The following IL16 variants were observed in gnomAD, a reference collection of about 807,000 sequenced individuals.
IL16 encodes the protein pro-interleukin-16.
IL16 carries 67 observed loss-of-function variants against 110.1 expected under a neutral mutation model. The observed-to-expected ratio is 0.61, with a 90% CI of 0.50 to 0.75. The LOEUF (loss-of-function observed/expected upper bound fraction) is 0.75, where lower values mean the gene tolerates loss of function less well. Ranked by LOEUF, IL16 falls within the 30% of genes least tolerant of loss-of-function variation. IL16 has a pLI of 0.00. For synonymous variants in IL16, 689 were observed against 662.9 expected (o/e 1.04, Z -0.61); for missense variants, 1,545 against 1,655.0 (o/e 0.93, Z 1.15).
chr15:81,279,569 G>A lies in IL16; in HGVS notation c.876G>A (p.Lys292=). The A allele has an allele frequency of 6.2e-7, 1 of 1,611,926 alleles. No individual in the cohort carries two copies. Among genetic ancestry groups the A allele is most frequent in the Non-Finnish European group, 8.5e-7 (1 of 1,179,510 alleles). The stretch of plus-strand genomic sequence containing the variant: ...TCTCTTTCTTTCAGCAAGCCAAAAA[G>A]GGGCTCCTCACCCTCACCGTGAGAA... ...DALQKFKQAK[K]GLLTLTVRTR... Residue 292 remains lysine, a synonymous_variant, in exon 8 of 19, where the codon AAG becomes AAA. Transcript: ENST00000683961.
intron 1 of IL16, among the ~76,000 whole-genome samples, chr15:81,213,072 G>A (rs1031717907): frequency 6.6e-6 from 1 of 151,956 alleles, no homozygotes; most frequent in Non-Finnish European, 1.5e-5. Flanking sequence ...CAGAGATTTT[G>A]GTAAGTTGTA....
At chr15:81,211,382 G>C (rs1426579543) in intron 1 of IL16, among the ~76,000 whole-genome samples, 1 of 151,926 alleles carries the variant, frequency 6.6e-6, no homozygotes, top group African/African-American at 2.4e-5. Context: ...CTCCCAAGTA[G>C]CTGGGATTAC....
chr15:81,210,562 G>T (rs1896200980), intron 1 of IL16, among the ~76,000 whole-genome samples: 1 of 152,036 alleles, frequency 6.6e-6, no homozygotes, highest in Non-Finnish European at 1.5e-5. Context: ...AGTTCTCCTT[G>T]TAGAGATCTT....
intron 13 of IL16, among the ~76,000 whole-genome samples, chr15:81,297,877 A>G (rs1900068792): frequency 6.6e-6 from 1 of 152,226 alleles, no homozygotes; most frequent in African/African-American, 2.4e-5. Flanking sequence ...TATAGACTAT[A>G]AAACATATGA....
intron 11 of IL16, chr15:81,291,915 A>T: frequency 2.2e-6 from 1 of 455,958 alleles, no homozygotes; most frequent in South Asian, 1.5e-5. Context: ...TATCATCCTC[A>T]TTTTACAGAT....
intron 1 of IL16, among the ~76,000 whole-genome samples, chr15:81,202,422 A>G (rs1226455333): frequency 6.6e-6 from 1 of 152,190 alleles, no homozygotes; most frequent in East Asian, 1.9e-4. Context: ...ATTTAGCATC[A>G]TCAAGGACTA....
chr15:81,300,131 C>T lies in IL16; in HGVS notation c.2805C>T (p.Pro935=), dbSNP rs367772665. 36 of 1,606,264 alleles carry T rather than the reference C, an allele frequency of 2.2e-5. No homozygotes were observed. In the African/African-American group the frequency reaches 3.9e-4, roughly 17 times the overall value. The change falls in exon 14 of 19, where the codon CCC becomes CCT. Residue 935 remains proline (P), a synonymous_variant. Coordinates refer to ENST00000683961, the MANE Select transcript of IL16 (RefSeq NM_172217.5). ...GGCAGCCCAATCAGAAAACTCTCCCCCCTGGCCCGGACCCGCTCCTAAGGC... is the reference window on the plus strand; with the variant it reads ...GGCAGCCCAATCAGAAAACTCTCCCTCCTGGCCCGGACCCGCTCCTAAGGC... ...PGRQPNQKTL[P]PGPDPLLRLL...
chr15:81,215,952 C>T (rs1041934018), intron 1 of IL16, among the ~76,000 whole-genome samples: 4 of 152,220 alleles, frequency 2.6e-5, no homozygotes, highest in South Asian at 2.1e-4. Context: ...TGGAGCAATG[C>T]GCTCAGGCTG....
intron 8 of IL16, 35 bp from the exon 9 acceptor site, chr15:81,282,604 C>T: frequency 6.5e-7 from 1 of 1,532,204 alleles, no homozygotes; most frequent in Non-Finnish European, 9.0e-7. Context: ...AAAGCTCAGT[C>T]CCGGTCTCCC....
intron 12 of IL16, among the ~76,000 whole-genome samples, chr15:81,296,726 G>C (rs563481220): frequency 6.6e-6 from 1 of 152,326 alleles, no homozygotes; most frequent in African/African-American, 2.4e-5. Context: ...TGGAAGTCAA[G>C]GGATGCTCTG....
chr15:81,241,498 A>G (rs1006311371), intron 2 of IL16, among the ~76,000 whole-genome samples: 2 of 152,102 alleles, frequency 1.3e-5, no homozygotes, highest in African/African-American at 4.8e-5. Context: ...GGGCTTACAT[A>G]TCTTTCATTA....
At chr15:81,251,075 C>T (rs1165923611) in intron 2 of IL16, among the ~76,000 whole-genome samples, 1 of 152,150 alleles carries the variant, frequency 6.6e-6, no homozygotes, top group African/African-American at 2.4e-5. Flanking sequence ...AACTATGGTA[C>T]AGCTTTTATT....
intron 2 of IL16, among the ~76,000 whole-genome samples, chr15:81,229,322 G>T (rs1462109124): frequency 6.6e-6 from 1 of 152,082 alleles, no homozygotes; most frequent in Non-Finnish European, 1.5e-5. Flanking sequence ...TTGAAAGCAG[G>T]ATATTCCAGG....
intron 4 of IL16, among the ~76,000 whole-genome samples, chr15:81,268,222 A>T (rs1309925886): frequency 6.6e-6 from 1 of 152,238 alleles, no homozygotes; most frequent in Non-Finnish European, 1.5e-5. Context: ...CAAGCCAACA[A>T]GAGAGAGGGT....
chr15:81,313,365 G>T lies in IL16; in HGVS notation c.*4567G>T. ...CTGTGGGAGGTAACCGCTGAGGTCGGTATGGAAGAATGTGACCAGGTTGGT... is the reference window on the plus strand; with the variant it reads ...CTGTGGGAGGTAACCGCTGAGGTCGTTATGGAAGAATGTGACCAGGTTGGT... On this transcript the variant is annotated 3_prime_UTR_variant, in exon 19 of 19. Transcript: ENST00000683961. The T allele has an allele frequency of 6.3e-7, 1 of 1,578,984 alleles. No individual in the cohort carries two copies. The highest frequency in any genetic ancestry group is 8.6e-7 in the Non-Finnish European group (1 of 1,162,416).
chr15:81,246,348 A>G (rs982619000), intron 2 of IL16, among the ~76,000 whole-genome samples: 1 of 152,024 alleles, frequency 6.6e-6, no homozygotes, highest in African/African-American at 2.4e-5. Context: ...CCCCACCCCT[A>G]ACCCCTGGCA....
intron 4 of IL16, 27 bp downstream of exon 4, chr15:81,265,828 A>G (rs1167111829): frequency 1.3e-6 from 2 of 1,596,054 alleles, no homozygotes. Context: ...GGAAACTCAG[A>G]GAAGAGTTTC....
In IL16 at chr15:81,312,256, T is replaced by C. The variant is rs1009797382; in HGVS notation, c.*3458T>C. 3 of 152,278 alleles carry C rather than the reference T, an allele frequency of 2.0e-5. No homozygotes were observed. Among genetic ancestry groups the C allele is most frequent in the African/African-American group, 4.8e-5 (2 of 41,446 alleles). 9.4% of individuals were successfully genotyped at this position (152,278 alleles called of 1,614,324 possible). On this transcript the variant is annotated 3_prime_UTR_variant, in exon 19 of 19. Coordinates refer to ENST00000683961, the MANE Select transcript of IL16 (RefSeq NM_172217.5). ...AGGCTGTGCTCCCTGGTTCTGATGA[T>C]GTGCCTGGGTGGACATGGCCCCTGT...
chr15:81,304,474 G>A (rs1320640630), intron 16 of IL16, among the ~76,000 whole-genome samples: 1 of 152,174 alleles, frequency 6.6e-6, no homozygotes, highest in African/African-American at 2.4e-5. Context: ...CGCACATGTT[G>A]GCTGAGCACA....
Sources: gnomAD v4.1 joint callset for allele counts (sites outside exome capture counted in the v4.1 genomes callset) on GRCh38, gnomAD v4.1.1 for gene constraint, MANE v1.5 for transcripts, NCBI Gene and HGNC (gene_info 2026-07-23, HGNC 2026-07-21) for gene names.